SEMA6D: variants seen among roughly 807,000 people sequenced by gnomAD.
The protein encoded by SEMA6D is semaphorin 6D, also known as semaphorin-6D.
Under a neutral mutation model 106.6 loss-of-function variants are expected in SEMA6D, and 35 were observed. That is an observed-to-expected ratio of 0.33 (90% confidence interval 0.25 to 0.44). The LOEUF (loss-of-function observed/expected upper bound fraction) is 0.44, where lower values mean the gene tolerates loss of function less well. Among genes scored for constraint, SEMA6D ranks in the 20% least tolerant of loss-of-function variants. The pLI is 1.00. For missense variants in SEMA6D, 1,185 were observed against 1,345.9 expected (o/e 0.88, Z 1.87); for synonymous variants, 499 against 487.7 (o/e 1.02, Z -0.31).
At chr15:47,689,516 A>T (rs572192465) in intron 4 of SEMA6D, among the ~76,000 whole-genome samples, 136 of 152,340 alleles carry the variant, frequency 8.9e-4, no homozygotes, top group African/African-American at 3.0e-3. Flanking sequence ...GCTCAGTGAG[A>T]TGATAGGAAA....
chr15:47,596,939 A>G (rs1477446807), intron 3 of SEMA6D, among the ~76,000 whole-genome samples: 1 of 152,160 alleles, frequency 6.6e-6, no homozygotes, highest in Non-Finnish European at 1.5e-5. Flanking sequence ...AAAAGGCATT[A>G]CATCAGACTA....
At chr15:47,252,217 A>T (rs1345219634) in intron 1 of SEMA6D, among the ~76,000 whole-genome samples, 1 of 152,140 alleles carries the variant, frequency 6.6e-6, no homozygotes, top group Non-Finnish European at 1.5e-5. Context: ...GATTTAAAAA[A>T]ATTATTATTG....
At chr15:47,620,454 CA>C (rs1299621200) in intron 4 of SEMA6D, among the ~76,000 whole-genome samples, 1 of 152,094 alleles carries the variant, frequency 6.6e-6, no homozygotes, top group African/African-American at 2.4e-5. Context: ...TTTCAGGGCA[CA>C]GGGGAAATAA....
At chr15:47,761,542 G>T in intron 6 of SEMA6D, 111 bp downstream of exon 6, 1 of 1,233,296 alleles carries the variant, frequency 8.1e-7, no homozygotes, top group Non-Finnish European at 1.1e-6. Flanking sequence ...TATCTCTAGT[G>T]CAATGAAAGA....
intron 1 of SEMA6D, among the ~76,000 whole-genome samples, chr15:47,739,160 T>C (rs949754382): frequency 6.6e-6 from 1 of 152,174 alleles, no homozygotes; most frequent in East Asian, 1.9e-4. Context: ...GGAGGATATA[T>C]ACACCCACTT....
At chr15:47,662,662 T>C (rs892556731) in intron 4 of SEMA6D, among the ~76,000 whole-genome samples, 3 of 152,170 alleles carry the variant, frequency 2.0e-5, no homozygotes, top group Admixed American at 6.5e-5. Flanking sequence ...TCTTCTAAAC[T>C]TATACTTTAA....
Position 47,547,098 on chromosome 15 carries a change from A to G in SEMA6D, c.-86-53767A>G, listed in dbSNP as rs142200267. Among the ~76,000 whole-genome samples the G allele has an allele frequency of 1.3e-4, 20 of 152,216 alleles. No homozygotes were observed. In the East Asian group the frequency reaches 3.7e-3, roughly 28 times the overall value. On this transcript the variant is annotated intron_variant, in intron 3 of 19. Transcript: ENST00000558014. ...TGTGAAATGACCCAATTTTTTTTACATTAAATCAACGTATACATACATAAA... is the reference window on the plus strand; with the variant it reads ...TGTGAAATGACCCAATTTTTTTTACGTTAAATCAACGTATACATACATAAA...
intron 4 of SEMA6D, among the ~76,000 whole-genome samples, chr15:47,615,300 G>A (rs2076986983): frequency 6.6e-6 from 1 of 152,192 alleles, no homozygotes; most frequent in African/African-American, 2.4e-5. Context: ...ATGGCAGGAT[G>A]TATATAAGTT....
chr15:47,618,938 C>G (rs973347839), intron 4 of SEMA6D, among the ~76,000 whole-genome samples: 11 of 152,170 alleles, frequency 7.2e-5, no homozygotes, highest in African/African-American at 2.7e-4. Flanking sequence ...AGGAGCTGCT[C>G]TTTATCCATC....
In SEMA6D at chr15:47,748,847, T is replaced by A. The variant is rs376562079; in HGVS notation, c.-54-10898T>A. 3.3e-5 allele frequency among the ~76,000 whole-genome samples: 5 copies of A among 152,184 alleles called. No homozygotes were observed. In the South Asian group the frequency reaches 6.2e-4, roughly 19 times the overall value. On this transcript the variant is annotated intron_variant, in intron 1 of 18. Coordinates refer to ENST00000536845, the MANE Select transcript of SEMA6D (RefSeq NM_001358351.3). ...AGCATTTGTGTTTTAGAAAGATCATTCTGGTGGCATTGTGGAGAATGCACT... is the reference window on the plus strand; with the variant it reads ...AGCATTTGTGTTTTAGAAAGATCATACTGGTGGCATTGTGGAGAATGCACT...
intron 3 of SEMA6D, among the ~76,000 whole-genome samples, chr15:47,495,698 T>C (rs1365365276): frequency 1.3e-5 from 2 of 152,078 alleles, no homozygotes; most frequent in African/African-American, 4.8e-5. Context: ...ATTCTCTTCA[T>C]AAATATTTTC....
At chr15:47,336,377 G>A (rs1322752803) in intron 1 of SEMA6D, among the ~76,000 whole-genome samples, 1 of 152,168 alleles carries the variant, frequency 6.6e-6, no homozygotes, top group Non-Finnish European at 1.5e-5. Flanking sequence ...CAGAGTAGAA[G>A]CTGGAGTGCT....
At chr15:47,669,399 G>T (rs1257553901) in intron 4 of SEMA6D, among the ~76,000 whole-genome samples, 2 of 152,100 alleles carry the variant, frequency 1.3e-5, no homozygotes, top group African/African-American at 4.8e-5. Flanking sequence ...TTAGTGTTTG[G>T]CATAATGCCT....
chr15:47,692,402 A>G (rs1421868982), intron 4 of SEMA6D, among the ~76,000 whole-genome samples: 1 of 152,110 alleles, frequency 6.6e-6, no homozygotes, highest in Non-Finnish European at 1.5e-5. Context: ...TGCATCTCCC[A>G]TACCAGCTCT....
At chr15:47,587,892 G>A (rs540577619) in intron 3 of SEMA6D, among the ~76,000 whole-genome samples, 1 of 152,024 alleles carries the variant, frequency 6.6e-6, no homozygotes, top group African/African-American at 2.4e-5. Flanking sequence ...ATTGTCAGGT[G>A]AGCTCACTGT....
chr15:47,342,243 C>A (rs997994076), intron 1 of SEMA6D, among the ~76,000 whole-genome samples: 2 of 152,114 alleles, frequency 1.3e-5, no homozygotes, highest in Non-Finnish European at 1.5e-5. Context: ...GTCTTCTTTC[C>A]GCCTAAAAGT....
At chr15:47,323,923 G>A (rs1236088169) in intron 1 of SEMA6D, among the ~76,000 whole-genome samples, 2 of 151,520 alleles carry the variant, frequency 1.3e-5, no homozygotes, top group Admixed American at 1.3e-4. Flanking sequence ...AAAGGAATAG[G>A]CATGAGGAAA....
intron 4 of SEMA6D, among the ~76,000 whole-genome samples, chr15:47,622,201 C>CAAAAAAA (rs199839582): frequency 4.8e-5 from 3 of 62,796 alleles, no homozygotes. Flanking sequence ...GAAACCCAGC[C>CAAAAAAA]AAAAAAAAAA....
At chr15:47,406,699 G>C (rs1047486147) in intron 1 of SEMA6D, among the ~76,000 whole-genome samples, 2 of 150,622 alleles carry the variant, frequency 1.3e-5, no homozygotes, top group African/African-American at 4.9e-5. Flanking sequence ...CTAATGTACG[G>C]TATGGTGACT....
Sources: allele counts gnomAD v4.1 joint callset (sites outside exome capture counted in the v4.1 genomes callset), GRCh38; gene constraint gnomAD v4.1.1; transcripts MANE v1.5; gene names NCBI Gene and HGNC (gene_info 2026-07-23, HGNC 2026-07-21).